Variants in ODAD2 observed in about 807,000 individuals in gnomAD.
ODAD2 encodes the protein outer dynein arm docking complex subunit 2, also known as outer dynein arm-docking complex subunit 2.
A neutral mutation model predicts 106.8 loss-of-function variants in ODAD2; 89 were observed. That is an observed-to-expected ratio of 0.83 (90% CI 0.70 to 0.99). The LOEUF is 0.99. Among genes scored for constraint, ODAD2 ranks in the 50% least tolerant of loss-of-function variants. The pLI is 0.00. For synonymous variants in ODAD2, 404 were observed against 436.2 expected (o/e 0.93, Z 0.92); for missense variants, 1,168 against 1,238.5 (o/e 0.94, Z 0.85).
chr10:27,971,411 G>A (rs929525039), intron 7 of ODAD2, 98 bp from the exon 8 acceptor site: 63 of 1,046,026 alleles, frequency 6.0e-5, no homozygotes, highest in African/African-American at 6.0e-4. Flanking sequence ...AGGAAGTCTC[G>A]GATGCATTTA....
chr10:27,941,596 G>GTTTTT lies in ODAD2; in HGVS notation c.1744-796_1744-792dup, dbSNP rs371752746. Among the ~76,000 whole-genome samples the GTTTTT allele has an allele frequency of 2.1e-3, 247 of 114,886 alleles. 13 individuals carry two copies. Among genetic ancestry groups the GTTTTT allele is most frequent in the Middle Eastern group, 5.6e-3 (1 of 180 alleles). 75.4% of individuals were successfully genotyped at this position (114,886 alleles called of 152,430 possible). A position where few individuals can be genotyped will look rare whatever the true frequency, so the allele number is the denominator to read the frequency against. ...CAAACAGCACAACTGCCAGCATCCA[G>GTTTTT]TTTTTTTTTTTTTTTTTTTTGCAAT... On this transcript the variant is annotated intron_variant, in intron 12 of 19. Coordinates refer to ENST00000305242, the MANE Select transcript of ODAD2 (RefSeq NM_018076.5).
chr10:27,915,571 G>GTA (rs1564499595), intron 16 of ODAD2, among the ~76,000 whole-genome samples: 1 of 152,142 alleles, frequency 6.6e-6, no homozygotes, highest in South Asian at 2.1e-4. Context: ...TGAGGGAACA[G>GTA]TATATATAGC....
intron 10 of ODAD2, among the ~76,000 whole-genome samples, chr10:27,951,339 C>G (rs1375999224): frequency 1.3e-5 from 2 of 152,128 alleles, no homozygotes; most frequent in African/African-American, 4.8e-5. Context: ...CCTATCTGGT[C>G]TACCAAATAT....
At chr10:27,953,937 G>C (rs1414554652) in intron 10 of ODAD2, among the ~76,000 whole-genome samples, 1 of 152,110 alleles carries the variant, frequency 6.6e-6, no homozygotes, top group Non-Finnish European at 1.5e-5. Flanking sequence ...CCCACTCAGG[G>C]AGCAAGAGCT....
rs569976252 is a variant in ODAD2 at position 27,912,837 on chromosome 10, A to C, written c.2496-5060T>G. ...ATGGGAAACATAAATGTATGTCAGA[A>C]TTAAAATGATCATCCCTGGGAAAAA... On this transcript the variant is annotated intron_variant, in intron 16 of 19. Transcript: ENST00000305242. Among the ~76,000 whole-genome samples the C allele has an allele frequency of 3.7e-4, 57 of 152,314 alleles. No individual in the cohort carries two copies. In the South Asian group the frequency reaches 0.011, roughly 30 times the overall value.
chr10:27,924,975 G>C (rs1437274655), intron 16 of ODAD2, among the ~76,000 whole-genome samples: 1 of 135,604 alleles, frequency 7.4e-6, no homozygotes, highest in African/African-American at 2.6e-5. Context: ...AACTGTTCCA[G>C]AGTATTTAAA....
At position 27,817,851 on chromosome 10, in the gene ODAD2, C is replaced by T. The variant is rs79368331; in HGVS notation, c.3022-5226G>A. Among the ~76,000 whole-genome samples, 551 of 152,070 alleles carry T rather than the reference C, an allele frequency of 3.6e-3. 8 individuals are homozygous for T. Among genetic ancestry groups the T allele is most frequent in the African/African-American group, 0.012 (493 of 41,478 alleles). ...GATTTCTTTCCCTTTAGGTATATAT[C>T]CAGTAGGGGGATTGCTGGATCAAAT... On this transcript the variant is annotated intron_variant, in intron 19 of 19. Transcript: ENST00000305242.
intron 16 of ODAD2, among the ~76,000 whole-genome samples, chr10:27,921,970 C>A (rs376342980): frequency 6.6e-6 from 1 of 150,604 alleles, no homozygotes; most frequent in East Asian, 1.9e-4. Flanking sequence ...GGTTCGAGAC[C>A]CACGTGGGCA....
At chr10:27,961,757 GT>G in intron 9 of ODAD2, 42 bp from the exon 10 acceptor site, 1 of 1,573,524 alleles carries the variant, frequency 6.4e-7, no homozygotes, top group Non-Finnish European at 8.7e-7. Context: ...AAGCTATAGT[GT>G]GGAGATCTAT....
intron 19 of ODAD2, among the ~76,000 whole-genome samples, chr10:27,838,571 G>A (rs760166764): frequency 2.6e-5 from 4 of 152,240 alleles, no homozygotes; most frequent in East Asian, 1.9e-4. Context: ...GGGCCAAGTC[G>A]GAAGGAAAAG....
chr10:27,996,669 T>C (rs187784647), intron 1 of ODAD2, among the ~76,000 whole-genome samples: 93 of 152,308 alleles, frequency 6.1e-4, no homozygotes, highest in African/African-American at 2.2e-3. Flanking sequence ...TTTTCCAGAA[T>C]TGTAGCTACC....
rs757902217 is a variant in ODAD2 at position 27,987,465 on chromosome 10, A to G, written c.303T>C (p.Ile101=). The part of the protein sequence containing the change: ...LLFLSVPQIK[I]RSFGQLSRLL... ...AGCGTGACAGCTGCCCAAAGCTCCTAATTTTAATTTGTGGTACAGAGAGAA... is the reference window on the plus strand; with the variant it reads ...AGCGTGACAGCTGCCCAAAGCTCCTGATTTTAATTTGTGGTACAGAGAGAA... Residue 101 remains isoleucine, a synonymous_variant, in exon 3 of 20, where the codon ATT becomes ATC. Coordinates refer to ENST00000305242, the MANE Select transcript of ODAD2 (RefSeq NM_018076.5). The G allele has an allele frequency of 6.2e-7, 1 of 1,613,874 alleles. No individual in the cohort carries two copies. The highest frequency in any genetic ancestry group is 2.2e-5 in the East Asian group (1 of 44,856).
intron 19 of ODAD2, among the ~76,000 whole-genome samples, chr10:27,816,697 A>T (rs1428687722): frequency 1.3e-5 from 2 of 152,130 alleles, no homozygotes; most frequent in African/African-American, 2.4e-5. Flanking sequence ...TATTGACAAG[A>T]TCCATGGTAT....
chr10:27,951,291 G>T (rs1847310370), intron 10 of ODAD2, among the ~76,000 whole-genome samples: 1 of 152,080 alleles, frequency 6.6e-6, no homozygotes, highest in East Asian at 1.9e-4. Flanking sequence ...GATCTAGAAT[G>T]AAAAATCCAA....
chr10:27,977,339 C>G (rs1428679023), intron 7 of ODAD2, among the ~76,000 whole-genome samples: 1 of 150,864 alleles, frequency 6.6e-6, no homozygotes, highest in African/African-American at 2.4e-5. Flanking sequence ...CCAAGGTCGG[C>G]AGATCACAAG....
chr10:27,942,945 T>C (rs1846562276), intron 12 of ODAD2, among the ~76,000 whole-genome samples: 1 of 152,218 alleles, frequency 6.6e-6, no homozygotes. Context: ...TCTGAACACA[T>C]TTTTCAGTGT....
At chr10:27,924,163 A>T (rs1238387157) in intron 16 of ODAD2, among the ~76,000 whole-genome samples, 2 of 152,076 alleles carry the variant, frequency 1.3e-5, no homozygotes, top group Non-Finnish European at 2.9e-5. Flanking sequence ...CAGTTGAAAT[A>T]AAAAAGTCAA....
intron 9 of ODAD2, among the ~76,000 whole-genome samples, chr10:27,964,895 A>G (rs1177746588): frequency 6.6e-6 from 1 of 152,240 alleles, no homozygotes; most frequent in Non-Finnish European, 1.5e-5. Context: ...TAGAAGAATT[A>G]ATAAATTAAA....
At chr10:27,820,777 CTTTTTTTTT>C (rs72095120) in intron 19 of ODAD2, among the ~76,000 whole-genome samples, 5 of 105,550 alleles carry the variant, frequency 4.7e-5, no homozygotes, top group East Asian at 2.5e-4. Flanking sequence ...AGCCCAGCAA[CTTTTTTTTT>C]TTTTTTTTTT....
Sources: allele counts gnomAD v4.1 joint callset (sites outside exome capture counted in the v4.1 genomes callset), GRCh38; gene constraint gnomAD v4.1.1; transcripts MANE v1.5; gene names NCBI Gene and HGNC (gene_info 2026-07-23, HGNC 2026-07-21).